THSD4: variants seen among roughly 807,000 people sequenced by gnomAD.
THSD4 encodes thrombospondin type 1 domain containing 4, also known as thrombospondin type-1 domain-containing protein 4.
A neutral mutation model predicts 119.0 loss-of-function variants in THSD4; 69 were observed. The observed-to-expected ratio is 0.58, with a 90% CI of 0.48 to 0.71. The LOEUF (loss-of-function observed/expected upper bound fraction) is 0.71, where lower values mean the gene tolerates loss of function less well. Ranked by LOEUF, THSD4 falls within the 30% of genes least tolerant of loss-of-function variation. The pLI, the probability that THSD4 is intolerant of heterozygous loss-of-function variation, is 0.00. For synonymous variants in THSD4, 524 were observed against 540.4 expected (o/e 0.97, Z 0.42); for missense variants, 1,393 against 1,391.1 (o/e 1.00, Z -0.02).
intron 8 of THSD4, among the ~76,000 whole-genome samples, chr15:71,703,912 C>A (rs558319466): frequency 3.2e-3 from 491 of 152,260 alleles, no homozygotes; most frequent in Middle Eastern, 6.8e-3. Flanking sequence ...TGCAGTGGCG[C>A]GATCTCTGCT....
intron 7 of THSD4, among the ~76,000 whole-genome samples, chr15:71,425,300 T>C (rs763361623): frequency 4.6e-5 from 7 of 152,240 alleles, no homozygotes; most frequent in Admixed American, 2.6e-4. Context: ...ACATAGGGTT[T>C]ATTATTAATA....
intron 7 of THSD4, among the ~76,000 whole-genome samples, chr15:71,526,106 T>C (rs555059988): frequency 6.6e-6 from 1 of 152,212 alleles, no homozygotes; most frequent in Non-Finnish European, 1.5e-5. Flanking sequence ...ATTTTCCCCC[T>C]GTAGGCTGGG....
intron 7 of THSD4, among the ~76,000 whole-genome samples, chr15:71,502,686 A>G (rs556060701): frequency 6.6e-6 from 1 of 152,320 alleles, no homozygotes; most frequent in Admixed American, 6.5e-5. Context: ...AGATCATAAT[A>G]TATTCTATGT....
intron 7 of THSD4, among the ~76,000 whole-genome samples, chr15:71,412,538 T>A (rs1182540734): frequency 6.6e-6 from 1 of 152,178 alleles, no homozygotes; most frequent in Non-Finnish European, 1.5e-5. Flanking sequence ...GAGCTAAGAT[T>A]TAGCAGGTAA....
intron 7 of THSD4, among the ~76,000 whole-genome samples, chr15:71,416,278 CTTGG>C (rs1380408857): frequency 2.5e-5 from 1 of 39,356 alleles, no homozygotes; most frequent in African/African-American, 7.4e-5. Flanking sequence ...TGATGCAAAT[CTTGG>C]CTTTTGTGAA....
chr15:71,311,045 TAA>T (rs2045104025), intron 6 of THSD4, among the ~76,000 whole-genome samples: 1 of 152,174 alleles, frequency 6.6e-6, no homozygotes. Context: ...AGAAGTGGAT[TAA>T]AAGTGGCTGT....
chr15:71,187,913 G>T (rs2043627378), intron 3 of THSD4, among the ~76,000 whole-genome samples: 1 of 152,178 alleles, frequency 6.6e-6, no homozygotes, highest in Non-Finnish European at 1.5e-5. Context: ...TGCTGAGAGG[G>T]ATATAAACAG....
At chr15:71,195,624 G>A (rs1043796045) in intron 3 of THSD4, among the ~76,000 whole-genome samples, 3 of 152,164 alleles carry the variant, frequency 2.0e-5, no homozygotes, top group Non-Finnish European at 2.9e-5. Context: ...CAGGTTAGGC[G>A]AGATAGACTT....
intron 8 of THSD4, among the ~76,000 whole-genome samples, chr15:71,672,113 A>G (rs1282271289): frequency 6.6e-6 from 1 of 152,332 alleles, no homozygotes; most frequent in East Asian, 1.9e-4. Flanking sequence ...CTTCCTATCC[A>G]TGAGCATGGA....
chr15:71,490,075 G>A (rs1276182824), intron 7 of THSD4, among the ~76,000 whole-genome samples: 1 of 151,812 alleles, frequency 6.6e-6, no homozygotes, highest in Non-Finnish European at 1.5e-5. Flanking sequence ...AAGTTGTAAT[G>A]TTTACATAAA....
intron 3 of THSD4, among the ~76,000 whole-genome samples, chr15:71,157,769 T>TG (rs2040794188): frequency 6.9e-6 from 1 of 144,846 alleles, no homozygotes; most frequent in Non-Finnish European, 1.5e-5. Context: ...ACTTTAAACA[T>TG]AATAACCTCC....
chr15:71,554,236 C>G (rs1466920801), intron 7 of THSD4, among the ~76,000 whole-genome samples: 3 of 151,334 alleles, frequency 2.0e-5, no homozygotes, highest in African/African-American at 7.3e-5. Flanking sequence ...ACTACAGGTG[C>G]CCACCGCCAT....
intron 7 of THSD4, among the ~76,000 whole-genome samples, chr15:71,433,044 A>G (rs966738487): frequency 1.3e-5 from 2 of 151,816 alleles, no homozygotes; most frequent in African/African-American, 4.8e-5. Context: ...AAAAGTAAGC[A>G]ACTTAATTGC....
intron 6 of THSD4, among the ~76,000 whole-genome samples, chr15:71,396,271 A>G (rs1227228046): frequency 6.6e-6 from 1 of 151,512 alleles, no homozygotes; most frequent in Non-Finnish European, 1.5e-5. Flanking sequence ...ATGCATGTAC[A>G]CACATAAAAC....
intron 3 of THSD4, among the ~76,000 whole-genome samples, chr15:71,173,686 G>A (rs1462919604): frequency 6.6e-6 from 1 of 150,986 alleles, no homozygotes; most frequent in Non-Finnish European, 1.5e-5. Flanking sequence ...AATTTATATG[G>A]AGTCTCAAAG....
At chr15:71,374,626 C>T (rs2046106410) in intron 6 of THSD4, among the ~76,000 whole-genome samples, 1 of 152,148 alleles carries the variant, frequency 6.6e-6, no homozygotes, top group South Asian at 2.1e-4. Context: ...TCAGAGGCTG[C>T]ATTGAGGAAT....
intron 7 of THSD4, among the ~76,000 whole-genome samples, chr15:71,599,298 A>C (rs989575296): frequency 6.6e-6 from 1 of 152,096 alleles, no homozygotes; most frequent in Admixed American, 6.5e-5. Flanking sequence ...TTTTCCATCC[A>C]AGTAGAAATA....
intron 7 of THSD4, among the ~76,000 whole-genome samples, chr15:71,548,084 AT>A (rs1329845042): frequency 2.8e-5 from 4 of 142,320 alleles, no homozygotes; most frequent in African/African-American, 1.1e-4. Context: ...AGTTCATGTG[AT>A]TGTTGGGTAC....
intron 3 of THSD4, among the ~76,000 whole-genome samples, chr15:71,181,189 C>T (rs751302038): frequency 9.9e-5 from 15 of 152,070 alleles, no homozygotes; most frequent in African/African-American, 2.2e-4. Context: ...TCAAGCCTTC[C>T]GTTTCTAATG....
Sources: gnomAD v4.1 joint callset for allele counts (sites outside exome capture counted in the v4.1 genomes callset) on GRCh38, gnomAD v4.1.1 for gene constraint, MANE v1.5 for transcripts, NCBI Gene and HGNC (gene_info 2026-07-23, HGNC 2026-07-21) for gene names.